SLX4IP: variants seen among roughly 807,000 people sequenced by gnomAD.
SLX4IP encodes the protein protein SLX4IP.
In SLX4IP, 34 loss-of-function variants were observed where a neutral mutation model predicts 32.9. The observed-to-expected ratio is 1.03, with a 90% CI of 0.79 to 1.38. The LOEUF is 1.38. Ranked by LOEUF, SLX4IP falls within the 40% of genes most tolerant of loss-of-function variation. The pLI, the probability that SLX4IP is intolerant of heterozygous loss-of-function variation, is 0.00. For missense variants in SLX4IP, 444 were observed against 479.0 expected (o/e 0.93, Z 0.68); for synonymous variants, 172 against 171.7 (o/e 1.00, Z -0.01).
intron 2 of SLX4IP, among the ~76,000 whole-genome samples, chr20:10,529,885 C>T (rs950802813): frequency 6.6e-6 from 1 of 152,148 alleles, no homozygotes; most frequent in African/African-American, 2.4e-5. Flanking sequence ...AGTTTCATTT[C>T]TCTGCTAATG....
chr20:10,456,390 G>A (rs974344889), intron 1 of SLX4IP, among the ~76,000 whole-genome samples: 2 of 152,116 alleles, frequency 1.3e-5, no homozygotes, highest in African/African-American at 4.8e-5. Flanking sequence ...CACCCAGGGT[G>A]GAGTGCAGTG....
chr20:10,572,007 G>C (rs2066472511), intron 4 of SLX4IP, among the ~76,000 whole-genome samples: 1 of 152,146 alleles, frequency 6.6e-6, no homozygotes, highest in South Asian at 2.1e-4. Flanking sequence ...GTCTTTGTTA[G>C]TATTACTATC....
intron 3 of SLX4IP, among the ~76,000 whole-genome samples, chr20:10,558,683 C>T (rs898676020): frequency 4.6e-5 from 7 of 152,192 alleles, no homozygotes; most frequent in Non-Finnish European, 1.0e-4. Context: ...CAAACTGTTC[C>T]ATGTGTCAAC....
At chr20:10,444,488 C>T (rs549351931) in intron 1 of SLX4IP, among the ~76,000 whole-genome samples, 5 of 152,210 alleles carry the variant, frequency 3.3e-5, no homozygotes, top group African/African-American at 1.2e-4. Flanking sequence ...AGTGATTCTC[C>T]TGCCTCAGCC....
chr20:10,596,973 A>G (rs1173059117), intron 4 of SLX4IP, among the ~76,000 whole-genome samples: 2 of 152,198 alleles, frequency 1.3e-5, no homozygotes, highest in Non-Finnish European at 2.9e-5. Flanking sequence ...ATCTCAGCAA[A>G]TCCGGAGATT....
chr20:10,611,534 AGGG>A (rs1438531708), intron 6 of SLX4IP, among the ~76,000 whole-genome samples: 4 of 152,200 alleles, frequency 2.6e-5, no homozygotes, highest in African/African-American at 9.7e-5. Flanking sequence ...TCCTTCCAGC[AGGG>A]GGAGGTGAGG....
intron 4 of SLX4IP, among the ~76,000 whole-genome samples, chr20:10,595,255 A>G (rs990655559): frequency 2.0e-5 from 3 of 152,146 alleles, no homozygotes. Context: ...TCTAATCCAA[A>G]TCCCTTCTTG....
At chr20:10,492,758 T>C (rs775417012) in intron 2 of SLX4IP, among the ~76,000 whole-genome samples, 15 of 152,208 alleles carry the variant, frequency 9.9e-5, no homozygotes, top group Non-Finnish European at 2.1e-4. Context: ...TTTTAGGTTT[T>C]TGAAAATATT....
At chr20:10,544,874 CAA>C (rs1356321372) in intron 2 of SLX4IP, among the ~76,000 whole-genome samples, 2 of 151,730 alleles carry the variant, frequency 1.3e-5, no homozygotes, top group Non-Finnish European at 2.9e-5. Context: ...ATTGTAACCT[CAA>C]AAAAAGTTCC....
intron 1 of SLX4IP, among the ~76,000 whole-genome samples, chr20:10,453,045 C>A (rs1281770654): frequency 1.3e-5 from 2 of 152,080 alleles, no homozygotes; most frequent in Non-Finnish European, 2.9e-5. Context: ...CCTCTATGCC[C>A]TCACCATATT....
chr20:10,572,996 T>A (rs2066483111), intron 4 of SLX4IP, among the ~76,000 whole-genome samples: 1 of 152,116 alleles, frequency 6.6e-6, no homozygotes, highest in Non-Finnish European at 1.5e-5. Context: ...AACAAGCAAA[T>A]TTTTCCTATT....
intron 2 of SLX4IP, among the ~76,000 whole-genome samples, chr20:10,525,677 G>T (rs548158281): frequency 2.6e-5 from 4 of 152,216 alleles, no homozygotes; most frequent in South Asian, 2.1e-4. Flanking sequence ...GTCCTTCCAA[G>T]AAATATTTTC....
chr20:10,479,372 A>C (rs1302984820), intron 2 of SLX4IP, among the ~76,000 whole-genome samples: 2 of 36,246 alleles, frequency 5.5e-5, no homozygotes, highest in African/African-American at 7.9e-5. Flanking sequence ...TTTTTTTTTG[A>C]GATGGAGTCT....
chr20:10,579,471 A>G (rs765118904), intron 4 of SLX4IP, among the ~76,000 whole-genome samples: 1 of 150,264 alleles, frequency 6.7e-6, no homozygotes, highest in Non-Finnish European at 1.5e-5. Context: ...TCTGTCGCCC[A>G]GGCTGGAGTG....
chr20:10,556,213 G>T lies in SLX4IP; in HGVS notation c.28-18G>T, dbSNP rs2066265659. ...CATGAGCCGCACAGACACTGACTCT[G>T]CCATTAATGTCTTTCAGTGTGGGAA... On this transcript the variant is annotated intron_variant, in intron 2 of 7. Coordinates refer to ENST00000334534, the MANE Select transcript of SLX4IP (RefSeq NM_001009608.3). 6.2e-7 allele frequency: 1 copy of T among 1,607,966 alleles called. No individual in the cohort carries two copies. Among genetic ancestry groups the T allele is most frequent in the Admixed American group, 1.7e-5 (1 of 59,466 alleles).
chr20:10,529,632 ATTC>A (rs1295087426), intron 2 of SLX4IP, among the ~76,000 whole-genome samples: 92 of 150,540 alleles, frequency 6.1e-4, no homozygotes, highest in Non-Finnish European at 9.3e-4. Context: ...GATTACTCAC[ATTC>A]TTCTTCTTCT....
At chr20:10,592,712 G>T (rs2066725420) in intron 4 of SLX4IP, among the ~76,000 whole-genome samples, 1 of 121,438 alleles carries the variant, frequency 8.2e-6, no homozygotes, top group South Asian at 2.8e-4. Context: ...TCGGCTCACT[G>T]CAACCTCTGC....
chr20:10,565,555 T>C (rs2122507468), intron 4 of SLX4IP, among the ~76,000 whole-genome samples: 1 of 152,256 alleles, frequency 6.6e-6, no homozygotes, highest in East Asian at 1.9e-4. Context: ...AAAACTAGAT[T>C]TCATGGTTGT....
At chr20:10,572,046 C>T (rs1440071068) in intron 4 of SLX4IP, among the ~76,000 whole-genome samples, 1 of 152,168 alleles carries the variant, frequency 6.6e-6, no homozygotes, top group African/African-American at 2.4e-5. Context: ...GAGCGTCCAC[C>T]CCTCGGATGC....
Sources: gnomAD v4.1 joint callset for allele counts (sites outside exome capture counted in the v4.1 genomes callset) on GRCh38, gnomAD v4.1.1 for gene constraint, MANE v1.5 for transcripts, NCBI Gene and HGNC (gene_info 2026-07-23, HGNC 2026-07-21) for gene names.